The following VRTN variants were observed in gnomAD, a reference collection of about 807,000 sequenced individuals.
VRTN encodes the protein vertnin.
VRTN carries 5 observed loss-of-function variants against 18.2 expected under a neutral mutation model. That is an observed-to-expected ratio of 0.27 (90% CI 0.14 to 0.58). The LOEUF is 0.58. Among genes scored for constraint, VRTN ranks in the 20% least tolerant of loss-of-function variants. The pLI is 0.91. For missense variants in VRTN, 741 were observed against 939.4 expected, an observed-to-expected ratio of 0.79 and a Z score of 2.76; for synonymous variants, 381 against 393.7, an observed-to-expected ratio of 0.97 and a Z score of 0.38.
chr14:74,341,733 G>T (rs897064349), intron 2 of VRTN, among the ~76,000 whole-genome samples: 1 of 152,050 alleles, frequency 6.6e-6, no homozygotes, highest in African/African-American at 2.4e-5. Context: ...TGGCCAGGCT[G>T]GTCTCGAACT....
chr14:74,348,021 T>C (rs1052899248), upstream of VRTN, among the ~76,000 whole-genome samples: 13 of 152,158 alleles, frequency 8.5e-5, no homozygotes, highest in Non-Finnish European at 1.9e-4. Context: ...CTGCCTGTCT[T>C]ACAGGACTGG....
At position 74,356,799 on chromosome 14, in the gene VRTN, C is replaced by A. The variant is rs886437960; in HGVS notation, c.16C>A (p.Gln6Lys). The change falls in exon 2 of 2, where the codon CAG becomes AAG. Residue 6 changes from glutamine (Q) to lysine (K), a missense_variant. This residue lies in a region of VRTN where 186 missense variants were observed against 288.3 expected (regional missense o/e 0.65). Coordinates refer to ENST00000256362, the MANE Select transcript of VRTN (RefSeq NM_018228.3). MTSRNQLVQKVLQELQ... is the reference protein window; with the variant it reads MTSRNKLVQKVLQELQ... ...CCCTGGCAGGATGACTTCTCGGAAC[C>A]AGCTGGTGCAGAAGGTGCTGCAGGA... 1.3e-6 allele frequency: 2 copies of A among 1,594,576 alleles called. No individual in the cohort carries two copies. The highest frequency in any genetic ancestry group is 1.7e-6 in the Non-Finnish European group (2 of 1,169,084).
intron 1 of VRTN, among the ~76,000 whole-genome samples, chr14:74,356,465 T>C (rs1216277768): frequency 6.6e-6 from 1 of 152,224 alleles, no homozygotes; most frequent in African/African-American, 2.4e-5. Context: ...ATTACAGGTG[T>C]AAGCCACCGT....
chr14:74,327,924 T>A (rs1206189305), intron 1 of VRTN, among the ~76,000 whole-genome samples: 1 of 152,112 alleles, frequency 6.6e-6, no homozygotes, highest in Non-Finnish European at 1.5e-5. Flanking sequence ...TTTCACAATG[T>A]TGGCCGGGCT....
intron 1 of VRTN, among the ~76,000 whole-genome samples, chr14:74,316,706 G>C (rs1044594470): frequency 1.1e-4 from 16 of 144,186 alleles, no homozygotes; most frequent in Non-Finnish European, 2.1e-4. Flanking sequence ...TCGTGATCTC[G>C]GCTCACTGCA....
chr14:74,325,283 G>A lies in VRTN; in HGVS notation c.-163-12440G>A, dbSNP rs370056221. 8.6e-5 allele frequency among the ~76,000 whole-genome samples: 13 copies of A among 151,966 alleles called. No homozygotes were observed. In the South Asian group the frequency reaches 2.7e-3, roughly 32 times the overall value. On this transcript the variant is annotated intron_variant, in intron 1 of 2. Transcript: ENST00000557177. ...GAAACTAACGCAGATTTGGGAATAT[G>A]GTATATAGAAGGAAAAAGAGACTTT... is the stretch of plus-strand genomic sequence containing the variant.
In VRTN at chr14:74,357,713, TGCTGCCCGCTTCTCC is replaced by T; in HGVS notation, c.933_947del (p.Ala312_Ala316del). The T allele has an allele frequency of 1.2e-6, 2 of 1,613,586 alleles. No individual in the cohort carries two copies. The highest frequency in any genetic ancestry group is 1.7e-6 in the Non-Finnish European group (2 of 1,180,024). ...AGTCCCAGGAGCACCGGCAGAAGGT[TGCTGCCCGCTTCTCC>T]GCCAAGCACTTCCTGCAGGACAGCT... is the stretch of plus-strand genomic sequence containing the variant. On this transcript the variant is annotated inframe_deletion, in exon 2 of 2. Transcript: ENST00000256362. The surrounding 1 kb of genome is among the most constrained non-coding windows in gnomAD (Gnocchi z 7.8).
intron 1 of VRTN, among the ~76,000 whole-genome samples, chr14:74,324,623 C>G (rs2085477075): frequency 6.6e-6 from 1 of 151,944 alleles, no homozygotes; most frequent in Admixed American, 6.6e-5. Context: ...TGTGGTGGCT[C>G]ACACCTGTAA....
At chr14:74,312,426 C>A (rs2085394056) in intron 1 of VRTN, among the ~76,000 whole-genome samples, 1 of 151,744 alleles carries the variant, frequency 6.6e-6, no homozygotes, top group South Asian at 2.1e-4. Flanking sequence ...ACTAAAGAGC[C>A]CATATGCTTA....
chr14:74,356,419 A>G (rs1446970087), intron 1 of VRTN, among the ~76,000 whole-genome samples: 1 of 152,128 alleles, frequency 6.6e-6, no homozygotes, highest in East Asian at 1.9e-4. Context: ...CCTGCCCTCA[A>G]GTGATTCATC....
intron 1 of VRTN, among the ~76,000 whole-genome samples, chr14:74,331,186 G>A (rs764722536): frequency 6.1e-5 from 9 of 147,086 alleles, no homozygotes; most frequent in Non-Finnish European, 1.2e-4. Flanking sequence ...TGGGGGACAC[G>A]GTGAGACTCC....
At position 74,358,254 on chromosome 14, in the gene VRTN, C is replaced by T; in HGVS notation, c.1471C>T (p.Pro491Ser). The T allele has an allele frequency of 1.9e-6, 3 of 1,611,228 alleles. No homozygotes were observed. Among genetic ancestry groups the T allele is most frequent in the Admixed American group, 1.7e-5 (1 of 59,964 alleles). ...EGAGNATGED[P>S]PAPGELLPLR... Reference sequence around the variant, plus strand: ...GGCAGGGAATGCCACAGGTGAGGACCCTCCCGCCCCCGGGGAGCTCCTGCC... The same window carrying T: ...GGCAGGGAATGCCACAGGTGAGGACTCTCCCGCCCCCGGGGAGCTCCTGCC... The change falls in exon 2 of 2, where the codon CCT becomes TCT. Residue 491 changes from proline (P) to serine (S), a missense_variant. By Grantham distance (74) the Pro-to-Ser change is moderately conservative. Transcript: ENST00000256362. This position sits in a 1 kb window ranked among gnomAD's most constrained non-coding sequence, Gnocchi z 5.4.
chr14:74,344,750 A>AAAAAAAAAAAAAAAAGT (rs1410658975), upstream of VRTN, among the ~76,000 whole-genome samples: 47 of 128,076 alleles, frequency 3.7e-4, no homozygotes, highest in African/African-American at 1.3e-3. Flanking sequence ...AAAAAAAATG[A>AAAAAAAAAAAAAAAAGT]AAAAAAGAAA....
chr14:74,357,607 A>G lies in VRTN; in HGVS notation c.824A>G (p.Asn275Ser). The G allele has an allele frequency of 6.2e-7, 1 of 1,613,958 alleles. No individual in the cohort carries two copies. The highest frequency in any genetic ancestry group is 8.5e-7 in the Non-Finnish European group (1 of 1,180,018). The change falls in exon 2 of 2, where the codon AAC becomes AGC. Residue 275 changes from asparagine (N) to serine (S), a missense_variant. Asn to Ser is a conservative substitution (Grantham distance 46). Around this residue, in one of 3 missense-constraint regions of VRTN, gnomAD observed 494 missense variants for 546.5 expected, o/e 0.90. Transcript: ENST00000256362. The surrounding 1 kb of genome is among the most constrained non-coding windows in gnomAD (Gnocchi z 7.8). Reference protein sequence around the residue: ...SSPAKTLELLNREPGLSYSHL... With the variant: ...SSPAKTLELLSREPGLSYSHL... The stretch of plus-strand genomic sequence containing the variant: ...CCGGCCAAGACCCTGGAGCTGCTCA[A>G]CCGTGAACCTGGCCTCAGCTACTCT...
rs2232032 is a variant in VRTN at position 74,356,940 on chromosome 14, C to T, written c.157C>T (p.Leu53Phe). The change falls in exon 2 of 2, where the codon CTC becomes TTC. Residue 53 changes from leucine (L) to phenylalanine (F), a missense_variant. Leu to Phe is a conservative substitution (Grantham distance 22). This residue lies in a region of VRTN where 186 missense variants were observed against 288.3 expected (regional missense o/e 0.65). Coordinates refer to ENST00000256362, the MANE Select transcript of VRTN (RefSeq NM_018228.3). Reference sequence around the variant, plus strand: ...CACCTGCCGGGAGGGAGGCCCTGGCCTCCAGGTGCTGGAAGTGGACTCGGT... The same window carrying T: ...CACCTGCCGGGAGGGAGGCCCTGGCTTCCAGGTGCTGGAAGTGGACTCGGT... Reference protein sequence around the residue: ...LPTCREGGPGLQVLEVDSVAL... With the variant: ...LPTCREGGPGFQVLEVDSVAL... The T allele has an allele frequency of 9.9e-4, 1,599 of 1,614,050 alleles. 9 individuals carry two copies. The African/African-American group carries it at 0.018, about 18-fold the overall frequency.
At chr14:74,313,250 G>T (rs921136153) in intron 1 of VRTN, among the ~76,000 whole-genome samples, 1 of 152,008 alleles carries the variant, frequency 6.6e-6, no homozygotes, top group African/African-American at 2.4e-5. Flanking sequence ...GCACATAGAA[G>T]GTGTTCACTA....
chr14:74,323,429 C>A (rs1403343040), intron 1 of VRTN, among the ~76,000 whole-genome samples: 2 of 151,748 alleles, frequency 1.3e-5, no homozygotes, highest in Non-Finnish European at 2.9e-5. Context: ...ACTAAAATTA[C>A]AAAAATCAGC....
intron 1 of VRTN, among the ~76,000 whole-genome samples, chr14:74,322,039 G>A (rs1308584026): frequency 6.6e-6 from 1 of 150,886 alleles, no homozygotes; most frequent in Non-Finnish European, 1.5e-5. Context: ...GTAGAGACGG[G>A]GTTTCACCAT....
intron 1 of VRTN, among the ~76,000 whole-genome samples, chr14:74,310,533 G>GTTTT (rs71449187): frequency 8.1e-6 from 1 of 124,054 alleles, no homozygotes; most frequent in African/African-American, 3.0e-5. Flanking sequence ...TGCTGCCTCT[G>GTTTT]TTTTTTTTTT....
Sources: allele counts gnomAD v4.1 joint callset (sites outside exome capture counted in the v4.1 genomes callset), GRCh38; gene constraint gnomAD v4.1.1; regional missense constraint gnomAD v4.1.1; non-coding constraint Gnocchi (gnomAD v3.1); transcripts MANE v1.5; gene names NCBI Gene and HGNC (gene_info 2026-07-23, HGNC 2026-07-21).